The following GAREM1 variants were observed in gnomAD, a reference collection of about 807,000 sequenced individuals.
GAREM1 encodes GRB2 associated regulator of MAPK1 subtype 1, also known as GRB2-associated and regulator of MAPK protein 1.
GAREM1 carries 26 observed loss-of-function variants against 71.3 expected under a neutral mutation model. The observed-to-expected ratio is 0.36, with a 90% CI of 0.27 to 0.51. GAREM1 has a LOEUF of 0.51. GAREM1 is among the 20% of genes least tolerant of loss of function. The pLI is 0.95. For synonymous variants in GAREM1, 440 were observed against 433.2 expected (o/e 1.02, Z -0.20); for missense variants, 1,026 against 1,103.1 (o/e 0.93, Z 0.99).
chr18:32,267,806 C>T lies in GAREM1; in HGVS notation c.*65G>A. 2 of 1,337,758 alleles carry T rather than the reference C, an allele frequency of 1.5e-6. No individual in the cohort carries two copies. Among genetic ancestry groups the T allele is most frequent in the Non-Finnish European group, 1.0e-6 (1 of 970,204 alleles). The allele number at this position is 1,337,758 out of a possible 1,614,324, so 82.9% of individuals were successfully genotyped here. On this transcript the variant is annotated 3_prime_UTR_variant, in exon 6 of 6. Coordinates refer to ENST00000269209, the MANE Select transcript of GAREM1 (RefSeq NM_001242409.2). ...TAGTGCAAAAACATGAAATTGTGTCCCAGCCCACCCCTTCTAGCACACGCA... is the reference window on the plus strand; with the variant it reads ...TAGTGCAAAAACATGAAATTGTGTCTCAGCCCACCCCTTCTAGCACACGCA...
Position 32,470,452 on chromosome 18 carries a change from C to G in GAREM1, c.-24G>C. 2 of 1,326,078 alleles carry G rather than the reference C, an allele frequency of 1.5e-6. No individual in the cohort carries two copies. The highest frequency in any genetic ancestry group is 4.5e-5 in the South Asian group (2 of 44,106). The allele number at this position is 1,326,078 out of a possible 1,614,324, so 82.1% of individuals were successfully genotyped here. ...ATCTTCCCCGAAGCCTCCTGTCCCG[C>G]GCTCCCCCGCCGCCGCCACCGGCAC... is the stretch of plus-strand genomic sequence containing the variant. On this transcript the variant is annotated 5_prime_UTR_variant, in exon 1 of 6. Coordinates refer to ENST00000269209, the MANE Select transcript of GAREM1 (RefSeq NM_001242409.2). The surrounding 1 kb of genome is among the most constrained non-coding windows in gnomAD (Gnocchi z 4.4).
At chr18:32,321,042 A>AT in intron 2 of GAREM1, among the ~76,000 whole-genome samples, 1 of 152,262 alleles carries the variant, frequency 6.6e-6, no homozygotes, top group Non-Finnish European at 1.5e-5. Flanking sequence ...ACTGCTTCAG[A>AT]TTTTAAGCCC....
intron 2 of GAREM1, among the ~76,000 whole-genome samples, chr18:32,336,400 A>C (rs1304746088): frequency 6.7e-6 from 1 of 149,594 alleles, no homozygotes; most frequent in Non-Finnish European, 1.5e-5. Context: ...ACTGCACTCC[A>C]GCCTGGGCAA....
At chr18:32,333,201 T>G (rs1598967874) in intron 2 of GAREM1, among the ~76,000 whole-genome samples, 12 of 128,606 alleles carry the variant, frequency 9.3e-5, no homozygotes, top group East Asian at 2.3e-4. Flanking sequence ...AGAAGAGGGA[T>G]AGAGGAGGAG....
chr18:32,460,550 C>T (rs1266293612), intron 1 of GAREM1, among the ~76,000 whole-genome samples: 1 of 152,200 alleles, frequency 6.6e-6, no homozygotes, highest in Non-Finnish European at 1.5e-5. Context: ...CCATGTAATG[C>T]TCCCGCACAG....
chr18:32,465,530 A>C (rs1453923309), intron 1 of GAREM1, among the ~76,000 whole-genome samples: 1 of 152,168 alleles, frequency 6.6e-6, no homozygotes, highest in Non-Finnish European at 1.5e-5. Context: ...GGAAGGAGAG[A>C]CGGTCACTGC....
intron 2 of GAREM1, among the ~76,000 whole-genome samples, chr18:32,375,117 G>A (rs1389099776): frequency 6.6e-5 from 10 of 152,100 alleles, no homozygotes; most frequent in South Asian, 6.2e-4. Flanking sequence ...TATAGTTTAC[G>A]AAATTTCTAT....
At chr18:32,433,855 C>T (rs60928334) in intron 1 of GAREM1, among the ~76,000 whole-genome samples, 32,908 of 151,980 alleles carry the variant, frequency 0.22, 4,210 homozygotes, top group East Asian at 0.38. Flanking sequence ...ATAGTTAAGA[C>T]ATCAGTCAGT....
chr18:32,303,985 AGGGAG>A (rs1435444444), intron 3 of GAREM1, among the ~76,000 whole-genome samples: 2 of 106,874 alleles, frequency 1.9e-5, no homozygotes, highest in East Asian at 3.2e-4. Flanking sequence ...AGAAAGAGGG[AGGGAG>A]GGGAGGGGAG....
chr18:32,325,218 A>C (rs2047463632), intron 2 of GAREM1, among the ~76,000 whole-genome samples: 1 of 152,166 alleles, frequency 6.6e-6, no homozygotes, highest in Admixed American at 6.5e-5. Context: ...CGGCCTCCCA[A>C]AGTGCTGGGA....
intron 5 of GAREM1, among the ~76,000 whole-genome samples, chr18:32,269,349 G>A (rs1204085960): frequency 6.6e-6 from 1 of 152,238 alleles, no homozygotes; most frequent in African/African-American, 2.4e-5. Context: ...TACCTGCAAA[G>A]AGAGCTACTT....
chr18:32,340,834 A>G (rs1010354250), intron 2 of GAREM1, among the ~76,000 whole-genome samples: 1 of 152,202 alleles, frequency 6.6e-6, no homozygotes, highest in Non-Finnish European at 1.5e-5. Context: ...GTCTAGTCCT[A>G]GAGCCCAGCT....
intron 1 of GAREM1, among the ~76,000 whole-genome samples, chr18:32,396,319 C>T (rs1335546467): frequency 2.0e-5 from 3 of 152,060 alleles, no homozygotes; most frequent in Non-Finnish European, 4.4e-5. Flanking sequence ...CGAAGAATGA[C>T]TTTGAAGAGA....
intron 1 of GAREM1, among the ~76,000 whole-genome samples, chr18:32,396,950 C>A (rs376081254): frequency 6.6e-6 from 1 of 152,066 alleles, no homozygotes; most frequent in Non-Finnish European, 1.5e-5. Context: ...AGACTAACAG[C>A]GGATCTCTCG....
chr18:32,456,453 T>C (rs2048890198), intron 1 of GAREM1, among the ~76,000 whole-genome samples: 1 of 152,126 alleles, frequency 6.6e-6, no homozygotes, highest in African/African-American at 2.4e-5. Flanking sequence ...GACACAGATT[T>C]GGAGAAATGG....
chr18:32,305,076 G>T (rs1227115469), intron 3 of GAREM1, among the ~76,000 whole-genome samples: 1 of 151,606 alleles, frequency 6.6e-6, no homozygotes, highest in African/African-American at 2.4e-5. Flanking sequence ...CAAATATGCA[G>T]GAAAACAAGT....
rs537456843 is a variant in GAREM1 at position 32,308,764 on chromosome 18, T to G, written c.393+1429A>C. ...AATATTTTTGTATGTAAGCATAATT[T>G]ACTTAGTAAAGATTTTACAAAATAT... On this transcript the variant is annotated intron_variant, in intron 3 of 5. Transcript: ENST00000269209. Among the ~76,000 whole-genome samples, 17 of 150,576 alleles carry G rather than the reference T, an allele frequency of 1.1e-4. No individual in the cohort carries two copies. The East Asian group carries it at 3.3e-3, about 29-fold the overall frequency.
chr18:32,314,207 C>G lies in GAREM1; in HGVS notation c.263-3884G>C, dbSNP rs1258934378. On this transcript the variant is annotated intron_variant, in intron 2 of 5. Transcript: ENST00000269209. ...ACCTGGTCCATGCACAAATTCTTAA[C>G]AATTATGGTGTTCTACAGTTTTATA... Among the ~76,000 whole-genome samples, 4 of 151,768 alleles carry G rather than the reference C, an allele frequency of 2.6e-5. No homozygotes were observed. In the East Asian group the frequency reaches 5.8e-4, roughly 22 times the overall value.
At chr18:32,467,182 C>G (rs1046512726) in intron 1 of GAREM1, among the ~76,000 whole-genome samples, 14 of 152,258 alleles carry the variant, frequency 9.2e-5, no homozygotes, top group African/African-American at 2.6e-4. Context: ...GTAACCTCTT[C>G]TTCCCCACTG....
Sources: gnomAD v4.1 joint callset for allele counts (sites outside exome capture counted in the v4.1 genomes callset) on GRCh38, gnomAD v4.1.1 for gene constraint, Gnocchi (gnomAD v3.1) non-coding constraint, MANE v1.5 for transcripts, NCBI Gene and HGNC (gene_info 2026-07-23, HGNC 2026-07-21) for gene names.